Variants in SNTB1 observed in about 807,000 individuals in gnomAD.
SNTB1 encodes syntrophin beta 1, also known as beta-1-syntrophin.
Under a neutral mutation model 48.9 loss-of-function variants are expected in SNTB1, and 36 were observed. That is an observed-to-expected ratio of 0.74 (90% CI 0.56 to 0.97). The LOEUF (loss-of-function observed/expected upper bound fraction) is 0.97. Ranked by LOEUF, SNTB1 falls within the 50% of genes least tolerant of loss-of-function variation. The probability of loss-of-function intolerance (pLI) is 0.00; values close to 1 mark genes in which losing one functional copy is unlikely to be tolerated. For missense variants in SNTB1, 786 were observed against 703.4 expected (o/e 1.12, Z -1.33); for synonymous variants, 299 against 294.6 (o/e 1.01, Z -0.15).
chr8:120,792,155 G>C (rs1472999939), intron 1 of SNTB1, among the ~76,000 whole-genome samples: 1 of 151,040 alleles, frequency 6.6e-6, no homozygotes, highest in Non-Finnish European at 1.5e-5. Flanking sequence ...ACACACCATG[G>C]AATACTACTC....
chr8:120,784,764 C>A (rs927270718), intron 1 of SNTB1, among the ~76,000 whole-genome samples: 1 of 152,274 alleles, frequency 6.6e-6, no homozygotes, highest in East Asian at 1.9e-4. Flanking sequence ...ATGCTGTAAA[C>A]AGTTTTCCAA....
At chr8:120,646,615 T>G (rs1240691088) in intron 2 of SNTB1, among the ~76,000 whole-genome samples, 2 of 151,920 alleles carry the variant, frequency 1.3e-5, no homozygotes, top group Non-Finnish European at 2.9e-5. Flanking sequence ...AGGATATTGG[T>G]CTAAAATTCT....
chr8:120,765,329 A>T lies in SNTB1; in HGVS notation c.571+45944T>A, dbSNP rs983838122. 3.9e-5 allele frequency among the ~76,000 whole-genome samples: 6 copies of T among 152,236 alleles called. No individual in the cohort carries two copies. The East Asian group carries it at 1.2e-3, about 29-fold the overall frequency. ...TAAGAGATAAGTAGAATTTGTGGGT[A>T]GGGATTCCAGGAGAGTTTTTGAAGA... is the stretch of plus-strand genomic sequence containing the variant. On this transcript the variant is annotated intron_variant, in intron 1 of 6. Coordinates refer to ENST00000517992, the MANE Select transcript of SNTB1 (RefSeq NM_021021.4).
At chr8:120,592,346 AT>A (rs968275986) in intron 3 of SNTB1, among the ~76,000 whole-genome samples, 3 of 150,714 alleles carry the variant, frequency 2.0e-5, no homozygotes, top group African/African-American at 4.9e-5. Context: ...CACCAGGATA[AT>A]TTTTTTTTCT....
At chr8:120,612,047 C>T (rs1043464247) in intron 3 of SNTB1, among the ~76,000 whole-genome samples, 3 of 152,084 alleles carry the variant, frequency 2.0e-5, no homozygotes, top group Non-Finnish European at 4.4e-5. Context: ...ATTTCATTCA[C>T]GTCTCCCCTG....
chr8:120,651,671 A>G (rs1051338372), intron 2 of SNTB1, among the ~76,000 whole-genome samples: 1 of 152,220 alleles, frequency 6.6e-6, no homozygotes, highest in African/African-American at 2.4e-5. Flanking sequence ...CAACAATTAC[A>G]TAATGAACAT....
At chr8:120,645,107 G>C (rs996713264) in intron 2 of SNTB1, among the ~76,000 whole-genome samples, 26 of 150,012 alleles carry the variant, frequency 1.7e-4, no homozygotes, top group African/African-American at 5.6e-4. Context: ...CTCCCATTTT[G>C]TAGGTTGCCT....
chr8:120,733,937 C>T (rs1818894947), intron 1 of SNTB1, among the ~76,000 whole-genome samples: 1 of 152,098 alleles, frequency 6.6e-6, no homozygotes, highest in African/African-American at 2.4e-5. Context: ...TTGTTCAAGG[C>T]TAAATTCTCA....
intron 3 of SNTB1, among the ~76,000 whole-genome samples, chr8:120,608,621 T>C (rs1816565990): frequency 6.6e-6 from 1 of 152,218 alleles, no homozygotes; most frequent in African/African-American, 2.4e-5. Flanking sequence ...AAATTTCTGT[T>C]ATTTAACCCA....
At position 120,536,937 on chromosome 8, in the gene SNTB1, T is replaced by C. The variant is rs1586982481; in HGVS notation, c.*1940A>G. 1 of 93,614 alleles carries C rather than the reference T, an allele frequency of 1.1e-5. No homozygotes were observed. The highest frequency in any genetic ancestry group is 3.3e-5 in the Non-Finnish European group (1 of 30,670). The allele number at this position is 93,614 out of a possible 1,614,324, so 5.8% of individuals were successfully genotyped here. On this transcript the variant is annotated 3_prime_UTR_variant, in exon 7 of 7. Transcript: ENST00000517992. The stretch of plus-strand genomic sequence containing the variant: ...ATTGGCATTAATATATGTATTTTAA[T>C]ATGTTATTTACAATACACAATTATA...
intron 1 of SNTB1, among the ~76,000 whole-genome samples, chr8:120,759,324 C>T (rs1191718409): frequency 6.6e-6 from 1 of 152,162 alleles, no homozygotes; most frequent in African/African-American, 2.4e-5. Context: ...TCACGATCAA[C>T]CTAGAAATGT....
At chr8:120,769,338 T>C (rs1274325484) in intron 1 of SNTB1, 1 of 152,108 alleles carries the variant, frequency 6.6e-6, no homozygotes, top group Non-Finnish European at 1.5e-5. Context: ...TTAAGTAACA[T>C]AGTAAATATG....
At chr8:120,580,899 C>A (rs1816036802) in intron 3 of SNTB1, among the ~76,000 whole-genome samples, 1 of 151,954 alleles carries the variant, frequency 6.6e-6, no homozygotes, top group African/African-American at 2.4e-5. Context: ...CCTGAACAAT[C>A]CCCAGGACCC....
At chr8:120,644,453 A>G in intron 2 of SNTB1, among the ~76,000 whole-genome samples, 1 of 151,604 alleles carries the variant, frequency 6.6e-6, no homozygotes. Flanking sequence ...GAGAATGATG[A>G]TTTCCAATTT....
intron 2 of SNTB1, among the ~76,000 whole-genome samples, chr8:120,647,582 C>T (rs1321607077): frequency 2.2e-4 from 33 of 148,288 alleles, no homozygotes; most frequent in Admixed American, 8.0e-4. Context: ...AGCTTTACTT[C>T]CCAGTATGTG....
At chr8:120,638,022 T>C (rs573904970) in intron 2 of SNTB1, 42 of 168,450 alleles carry the variant, frequency 2.5e-4, no homozygotes, top group Non-Finnish European at 5.2e-4. Flanking sequence ...TAACAATGTA[T>C]GCCCCAATCT....
intron 3 of SNTB1, among the ~76,000 whole-genome samples, chr8:120,605,773 C>T (rs548897887): frequency 1.3e-4 from 20 of 152,246 alleles, no homozygotes; most frequent in African/African-American, 3.4e-4. Context: ...GAGCTATGCA[C>T]GGAATTATGC....
At chr8:120,698,221 A>G (rs1187972389) in intron 1 of SNTB1, among the ~76,000 whole-genome samples, 1 of 152,160 alleles carries the variant, frequency 6.6e-6, no homozygotes, top group African/African-American at 2.4e-5. Flanking sequence ...GTAATGGCTT[A>G]GGTTTTTCTG....
intron 3 of SNTB1, among the ~76,000 whole-genome samples, chr8:120,606,939 G>C (rs1160323358): frequency 1.2e-4 from 18 of 152,066 alleles, no homozygotes. Flanking sequence ...CATCAATCCA[G>C]CAAGAGAATT....
Sources: allele counts gnomAD v4.1 joint callset (sites outside exome capture counted in the v4.1 genomes callset), GRCh38; gene constraint gnomAD v4.1.1; transcripts MANE v1.5; gene names NCBI Gene and HGNC (gene_info 2026-07-23, HGNC 2026-07-21).